Variants in BCL2L1 observed in about 807,000 individuals in gnomAD.
BCL2L1 encodes the protein BCL2 like 1.
BCL2L1 carries 1 observed loss-of-function variant against 18.7 expected under a neutral mutation model. The observed-to-expected ratio is 0.05, with a 90% confidence interval of 0.02 to 0.25. The LOEUF (loss-of-function observed/expected upper bound fraction) is 0.25, where lower values mean the gene tolerates loss of function less well. Ranked by LOEUF, BCL2L1 falls within the 10% of genes least tolerant of loss-of-function variation. The pLI is 1.00. For missense variants in BCL2L1, 207 were observed against 304.9 expected, an observed-to-expected ratio of 0.68 and a Z score of 2.39; for synonymous variants, 103 against 122.7, an observed-to-expected ratio of 0.84 and a Z score of 1.06.
intron 2 of BCL2L1, among the ~76,000 whole-genome samples, chr20:31,693,292 A>C (rs929869803): frequency 1.3e-5 from 2 of 151,570 alleles, no homozygotes; most frequent in African/African-American, 4.8e-5. Context: ...ACATAGTGAG[A>C]TCCCATCTCT....
intron 2 of BCL2L1, among the ~76,000 whole-genome samples, chr20:31,668,556 G>A (rs568651328): frequency 1.3e-4 from 19 of 150,382 alleles, no homozygotes; most frequent in African/African-American, 4.4e-4. Context: ...ATCCGCCCAC[G>A]GCCTCCCAAA....
intron 2 of BCL2L1, among the ~76,000 whole-genome samples, chr20:31,683,744 G>A (rs1191254685): frequency 8.3e-6 from 1 of 120,332 alleles, no homozygotes; most frequent in East Asian, 3.0e-4. Flanking sequence ...ACTCCAGCCT[G>A]GGCAACAAGA....
intron 2 of BCL2L1, among the ~76,000 whole-genome samples, chr20:31,709,085 C>T (rs1240257047): frequency 6.6e-6 from 1 of 152,188 alleles, no homozygotes; most frequent in African/African-American, 2.4e-5. Context: ...GACCTAACTG[C>T]ATCCCACAGG....
chr20:31,683,761 C>G (rs1439539221), intron 2 of BCL2L1, among the ~76,000 whole-genome samples: 1 of 67,200 alleles, frequency 1.5e-5, no homozygotes, highest in Non-Finnish European at 3.0e-5. Context: ...AAGAGTGAAA[C>G]TCCATCTCAA....
intron 2 of BCL2L1, among the ~76,000 whole-genome samples, chr20:31,678,686 A>G (rs1032587842): frequency 1.3e-5 from 2 of 152,210 alleles, no homozygotes; most frequent in African/African-American, 4.8e-5. Context: ...AGGCACATCT[A>G]TGACCAGGCA....
At chr20:31,723,536 C>T (rs927064078), upstream of BCL2L1, 5 of 984,588 alleles carry the variant, frequency 5.1e-6, no homozygotes, top group Non-Finnish European at 3.6e-6. Context: ...GGCCGGGTAC[C>T]CGCCGAGCCA....
intron 2 of BCL2L1, among the ~76,000 whole-genome samples, chr20:31,670,980 T>A (rs1363569437): frequency 6.6e-6 from 1 of 152,136 alleles, no homozygotes; most frequent in Non-Finnish European, 1.5e-5. Context: ...GCTGGCATGG[T>A]AGGCAGGGGA....
At chr20:31,678,718 C>T (rs2060804345) in intron 2 of BCL2L1, among the ~76,000 whole-genome samples, 1 of 152,202 alleles carries the variant, frequency 6.6e-6, no homozygotes, top group Non-Finnish European at 1.5e-5. Flanking sequence ...AAGGCTAGAT[C>T]TTTCCACGCT....
chr20:31,671,794 A>G (rs1161904795), intron 2 of BCL2L1, among the ~76,000 whole-genome samples: 3 of 151,434 alleles, frequency 2.0e-5, no homozygotes, highest in African/African-American at 4.9e-5. Flanking sequence ...TATAGTATAT[A>G]TAGTATATAG....
intron 2 of BCL2L1, among the ~76,000 whole-genome samples, chr20:31,666,338 T>C (rs920730978): frequency 2.0e-5 from 3 of 151,924 alleles, no homozygotes; most frequent in Admixed American, 6.6e-5. Flanking sequence ...AGTCAAGAAG[T>C]AGCACTTACT....
chr20:31,714,384 C>A (rs1427917589), intron 2 of BCL2L1, among the ~76,000 whole-genome samples: 1 of 152,208 alleles, frequency 6.6e-6, no homozygotes, highest in African/African-American at 2.4e-5. Flanking sequence ...CCTACTACAA[C>A]AGAAATGCTG....
At chr20:31,719,880 A>T (rs1026121152) in intron 2 of BCL2L1, among the ~76,000 whole-genome samples, 1 of 152,220 alleles carries the variant, frequency 6.6e-6, no homozygotes, top group African/African-American at 2.4e-5. Flanking sequence ...GTGGGCAAGC[A>T]GCCTCAATCC....
At chr20:31,720,121 C>T (rs945568256) in intron 2 of BCL2L1, 3 of 985,310 alleles carry the variant, frequency 3.0e-6, no homozygotes, top group Non-Finnish European at 2.4e-6. Context: ...CCTTTACCTC[C>T]CCTGACCCCA....
At chr20:31,691,973 G>A (rs1026299274) in intron 2 of BCL2L1, among the ~76,000 whole-genome samples, 1 of 152,198 alleles carries the variant, frequency 6.6e-6, no homozygotes, top group Non-Finnish European at 1.5e-5. Context: ...ACAAACACAG[G>A]AAAACAATCT....
chr20:31,717,394 G>C (rs895033653), intron 2 of BCL2L1, among the ~76,000 whole-genome samples: 4 of 151,184 alleles, frequency 2.6e-5, no homozygotes, highest in Non-Finnish European at 4.4e-5. Flanking sequence ...GGAGCCCCCT[G>C]AAAAAATACC....
intron 2 of BCL2L1, among the ~76,000 whole-genome samples, chr20:31,698,713 A>AT (rs925695763): frequency 1.3e-5 from 2 of 151,556 alleles, no homozygotes; most frequent in Non-Finnish European, 2.9e-5. Flanking sequence ...TAATTTTTGT[A>AT]TTTTTTTGTA....
chr20:31,692,280 C>T (rs2061087862), intron 2 of BCL2L1, among the ~76,000 whole-genome samples: 1 of 152,232 alleles, frequency 6.6e-6, no homozygotes, highest in African/African-American at 2.4e-5. Context: ...TTCATAACAG[C>T]ATTGTCTGAA....
chr20:31,668,908 AT>A (rs1238640769), intron 2 of BCL2L1, among the ~76,000 whole-genome samples: 38 of 145,472 alleles, frequency 2.6e-4, no homozygotes, highest in Admixed American at 9.0e-4. Flanking sequence ...CCCAGCCACC[AT>A]TTTTTTTTTC....
chr20:31,669,745 G>T (rs1165205351), intron 2 of BCL2L1, among the ~76,000 whole-genome samples: 2 of 152,018 alleles, frequency 1.3e-5, no homozygotes, highest in Non-Finnish European at 2.9e-5. Context: ...GCCTATACTA[G>T]ATGTGTCTTG....
Sources: allele counts gnomAD v4.1 joint callset (sites outside exome capture counted in the v4.1 genomes callset), GRCh38; gene constraint gnomAD v4.1.1; transcripts MANE v1.5; gene names NCBI Gene and HGNC (gene_info 2026-07-23, HGNC 2026-07-21).